The following SEPTIN2 variants were observed in gnomAD, a reference collection of about 807,000 sequenced individuals.
SEPTIN2 encodes septin-2.
Under a neutral mutation model 46.5 loss-of-function variants are expected in SEPTIN2, and 34 were observed. The observed-to-expected ratio is 0.73, with a 90% CI of 0.56 to 0.97. The LOEUF is 0.97. Ranked by LOEUF, SEPTIN2 falls within the 50% of genes least tolerant of loss-of-function variation. The probability of loss-of-function intolerance (pLI) is 0.00; values close to 1 mark genes in which losing one functional copy is unlikely to be tolerated. For missense variants in SEPTIN2, 347 were observed against 448.4 expected, an observed-to-expected ratio of 0.77 and a Z score of 2.04; for synonymous variants, 175 against 153.4, an observed-to-expected ratio of 1.14 and a Z score of -1.04.
chr2:241,350,861 G>A (rs1353427865), intron 12 of SEPTIN2, among the ~76,000 whole-genome samples: 1 of 152,168 alleles, frequency 6.6e-6, no homozygotes, highest in African/African-American at 2.4e-5. Flanking sequence ...TGGACAGGCA[G>A]GCTCTCTGAA....
In SEPTIN2 at chr2:241,337,816, C is replaced by T. The variant is rs774342611; in HGVS notation, c.594+26C>T. The T allele has an allele frequency of 2.0e-6, 3 of 1,533,854 alleles. 1 individual carries two copies. In the South Asian group the frequency reaches 3.4e-5, roughly 17 times the overall value. On this transcript the variant is annotated intron_variant, in intron 7 of 12. Transcript: ENST00000391971. ...GTGAGTGAGGCTGGCGTCCTGCCCT[C>T]CCTCTGGGTGCGACTCGGGGGCATG...
chr2:241,325,308 T>C (rs2077773811), intron 2 of SEPTIN2: 1 of 152,236 alleles, frequency 6.6e-6, no homozygotes, highest in Non-Finnish European at 1.5e-5. Context: ...TGCCTTCTCA[T>C]ATCTCTGTCC....
At chr2:241,336,319 C>G (rs2079974765) in intron 5 of SEPTIN2, 1 of 530,586 alleles carries the variant, frequency 1.9e-6, no homozygotes, top group East Asian at 3.2e-5. Context: ...CAAAGCCAGT[C>G]ATCCATAGAC....
chr2:241,317,628 T>C, intron 1 of SEPTIN2: 9 of 906,230 alleles, frequency 9.9e-6, no homozygotes, highest in Non-Finnish European at 1.2e-5. Flanking sequence ...TCTGTTCTGT[T>C]AGTAGTCATA....
chr2:241,337,703 G>C lies in SEPTIN2; in HGVS notation c.507G>C (p.Lys169Asn). ...GLKPLDVAFM[K>N]AIHNKVNIVP... ...AGCCCTTAGATGTGGCGTTTATGAA[G>C]GCAATACACAACAAGGTGAATATTG... The change falls in exon 7 of 13, where the codon AAG becomes AAC. Residue 169 changes from lysine (K) to asparagine (N), a missense_variant. Physicochemically the swap from Lys to Asn is moderately conservative, Grantham distance 94. Transcript: ENST00000391971. 1 of 1,613,832 alleles carries C rather than the reference G, an allele frequency of 6.2e-7. No individual in the cohort carries two copies. Among genetic ancestry groups the C allele is most frequent in the Non-Finnish European group, 8.5e-7 (1 of 1,179,898 alleles).
chr2:241,351,023 AAG>A (rs1459955894), intron 12 of SEPTIN2, among the ~76,000 whole-genome samples: 2 of 152,314 alleles, frequency 1.3e-5, no homozygotes, highest in East Asian at 1.9e-4. Flanking sequence ...TAGAGCTTGA[AAG>A]AGAGTTTGAG....
At chr2:241,335,018 G>T in intron 3 of SEPTIN2, 108 bp from the exon 4 acceptor site, 1 of 693,890 alleles carries the variant, frequency 1.4e-6, no homozygotes, top group South Asian at 1.7e-5. Flanking sequence ...AACACAGAAT[G>T]ATGTTTGTGA....
At chr2:241,321,768 C>T (rs2077165666) in intron 1 of SEPTIN2, among the ~76,000 whole-genome samples, 1 of 152,042 alleles carries the variant, frequency 6.6e-6, no homozygotes, top group African/African-American at 2.4e-5. Flanking sequence ...GCTGTTTCCT[C>T]CATATTTTTC....
intron 11 of SEPTIN2, among the ~76,000 whole-genome samples, chr2:241,348,591 T>A (rs1009015554): frequency 2.0e-5 from 3 of 152,202 alleles, no homozygotes; most frequent in African/African-American, 7.2e-5. Flanking sequence ...TCATTGGTAA[T>A]TAACTTAAAG....
intron 9 of SEPTIN2, among the ~76,000 whole-genome samples, chr2:241,345,366 G>A (rs1208091536): frequency 3.3e-5 from 5 of 152,204 alleles, no homozygotes; most frequent in Non-Finnish European, 7.3e-5. Context: ...AGCCCCTCCA[G>A]GGCTGCATCC....
chr2:241,324,531 A>T, intron 2 of SEPTIN2: 1 of 443,246 alleles, frequency 2.3e-6, no homozygotes, highest in Non-Finnish European at 4.2e-6. Flanking sequence ...GGGACTGCAG[A>T]CACGTGCCAC....
At chr2:241,315,549 C>G (rs1321492114), upstream of SEPTIN2, 1 of 152,564 alleles carries the variant, frequency 6.6e-6, no homozygotes, top group African/African-American at 2.4e-5. Context: ...TTACCCACCG[C>G]AAGGCGAAGA....
In SEPTIN2 at chr2:241,352,966, C is replaced by A. The variant is rs1225431345; in HGVS notation, c.*1029C>A. 6.6e-6 allele frequency: 1 copy of A among 152,202 alleles called. No homozygotes were observed. The highest frequency in any genetic ancestry group is 2.4e-5 in the African/African-American group (1 of 41,436). The allele number at this position is 152,202 out of a possible 1,614,324, so 9.4% of individuals were successfully genotyped here. On this transcript the variant is annotated 3_prime_UTR_variant, in exon 13 of 13. Coordinates refer to ENST00000391971, the MANE Select transcript of SEPTIN2 (RefSeq NM_004404.5). ...AAATTGGGGTCTGTTGGTGGGCGTG[C>A]CCCTGAAGCCTGGCTTGGGTTGAAA...
rs575420564 is a variant in SEPTIN2 at position 241,339,931 on chromosome 2, A to G, written c.594+2141A>G. ...GATCAGGAATCTGCTTTGTTCACTT[A>G]TGTATTCCCAGAGTTCCGAATAATG... On this transcript the variant is annotated intron_variant, in intron 7 of 12. Coordinates refer to ENST00000391971, the MANE Select transcript of SEPTIN2 (RefSeq NM_004404.5). Among the ~76,000 whole-genome samples the G allele has an allele frequency of 4.6e-5, 7 of 152,276 alleles. No individual in the cohort carries two copies. In the South Asian group the frequency reaches 1.0e-3, roughly 23 times the overall value.
At chr2:241,346,798 C>T (rs1221008371) in intron 10 of SEPTIN2, among the ~76,000 whole-genome samples, 1 of 151,912 alleles carries the variant, frequency 6.6e-6, no homozygotes, top group Non-Finnish European at 1.5e-5. Context: ...AGGCTTGTGT[C>T]GAGTTCTCCT....
intron 9 of SEPTIN2, 21 bp from the exon 10 acceptor site, chr2:241,346,145 T>C (rs1264143017): frequency 6.3e-7 from 1 of 1,598,840 alleles, no homozygotes; most frequent in African/African-American, 1.3e-5. Context: ...GCCACCTTGG[T>C]GCATTCCTCT....
rs1007856236 is a variant in SEPTIN2, at chr2:241,335,957, A to T, written c.218-18A>T. 6.2e-7 allele frequency: 1 copy of T among 1,614,060 alleles called. No individual in the cohort carries two copies. Among genetic ancestry groups the T allele is most frequent in the African/African-American group, 1.3e-5 (1 of 75,002 alleles). ...CACATGCTGCTTATATTCCCTATTAAGTTTGTTTCTTTTCTAGAAAAAATT... is the reference window on the plus strand; with the variant it reads ...CACATGCTGCTTATATTCCCTATTATGTTTGTTTCTTTTCTAGAAAAAATT... On this transcript the variant is annotated intron_variant, in intron 4 of 12. Coordinates refer to ENST00000391971, the MANE Select transcript of SEPTIN2 (RefSeq NM_004404.5).
intron 1 of SEPTIN2, among the ~76,000 whole-genome samples, chr2:241,323,822 T>C (rs77535678): frequency 6.6e-6 from 1 of 152,332 alleles, no homozygotes; most frequent in East Asian, 1.9e-4. Context: ...CTAAGGCTCA[T>C]TTAAAGATAC....
At chr2:241,346,334 T>G (rs1364392144) in intron 10 of SEPTIN2, 85 bp downstream of exon 10, 1 of 999,780 alleles carries the variant, frequency 1.0e-6, no homozygotes, top group East Asian at 2.6e-5. Context: ...CTCAGCCTTC[T>G]TGACCATTAA....
Sources: gnomAD v4.1 joint callset for allele counts (sites outside exome capture counted in the v4.1 genomes callset) on GRCh38, gnomAD v4.1.1 for gene constraint, MANE v1.5 for transcripts, NCBI Gene and HGNC (gene_info 2026-07-23, HGNC 2026-07-21) for gene names.